Variants in PCDHGA4 observed in about 807,000 individuals in gnomAD.
PCDHGA4 encodes protocadherin gamma subfamily A, 4.
Under a neutral mutation model 54.6 loss-of-function variants are expected in PCDHGA4, and 38 were observed. The observed-to-expected ratio is 0.70, with a 90% CI of 0.54 to 0.91. The LOEUF is 0.91. Ranked by LOEUF, PCDHGA4 falls within the 40% of genes least tolerant of loss-of-function variation. The pLI is 0.00. For synonymous variants in PCDHGA4, 511 were observed against 512.9 expected, an observed-to-expected ratio of 1.00 and a Z score of 0.05; for missense variants, 1,298 against 1,220.9, an observed-to-expected ratio of 1.06 and a Z score of -0.94.
rs776571171 is a variant in PCDHGA4 at position 141,356,013 on chromosome 5, A to C, written c.906A>C (p.Glu302Asp). 6.2e-7 allele frequency: 1 copy of C among 1,613,968 alleles called. No individual in the cohort carries two copies. The highest frequency in any genetic ancestry group is 2.2e-5 in the East Asian group (1 of 44,882). ...LLTVKATDPD[E>D]GANGDVTYSF... is the part of the protein sequence containing the mutation. ...CCGTAAAAGCCACTGATCCAGATGA[A>C]GGAGCCAATGGAGACGTGACGTATT... The change falls in exon 1 of 4, where the codon GAA (glutamate) becomes GAC (aspartate). Residue 302 changes from glutamate (E) to aspartate (D), a missense_variant. By Grantham distance (45) the Glu-to-Asp change is conservative (BLOSUM62 2). Coordinates refer to ENST00000571252, the MANE Select transcript of PCDHGA4 (RefSeq NM_018917.4).
At chr5:141,366,041 G>C in intron 1 of PCDHGA4, 1 of 1,614,232 alleles carries the variant, frequency 6.2e-7, no homozygotes, top group Non-Finnish European at 8.5e-7. Flanking sequence ...CCCCACAGAC[G>C]GTTCCACGGG....
Position 141,431,948 on chromosome 5 carries a change from T to G in PCDHGA4, c.2515-62859T>G. ...AAATCTGCCCTTTAAATTAGAAAAA[T>G]CTTACGGAAATTACTATAGTTTAGT... is the stretch of plus-strand genomic sequence containing the variant. On this transcript the variant is annotated intron_variant, in intron 1 of 3. Transcript: ENST00000571252. The surrounding 1 kb of genome is among the most constrained non-coding windows in gnomAD (Gnocchi z 4.8). The G allele has an allele frequency of 6.2e-7, 1 of 1,614,076 alleles. No homozygotes were observed. The highest frequency in any genetic ancestry group is 8.5e-7 in the Non-Finnish European group (1 of 1,180,006).
chr5:141,420,187 C>G (rs1369031488), intron 1 of PCDHGA4: 1 of 1,613,706 alleles, frequency 6.2e-7, no homozygotes, highest in East Asian at 2.2e-5. Context: ...ATTGTCCAGC[C>G]ACACAAGATA....
Position 141,393,390 on chromosome 5 carries a change from G to C in PCDHGA4, c.2514+35769G>C, listed in dbSNP as rs761230046. On this transcript the variant is annotated intron_variant, in intron 1 of 3. Coordinates refer to ENST00000571252, the MANE Select transcript of PCDHGA4 (RefSeq NM_018917.4). ...TGGAGACAATGGAGCCATAAACCCA[G>C]AGCTGGTGCTGGAGCGCGCCCTGGA... 24 of 1,613,882 alleles carry C rather than the reference G, an allele frequency of 1.5e-5. No homozygotes were observed. The South Asian group carries it at 2.5e-4, about 17-fold the overall frequency.
chr5:141,429,426 G>C (rs992784469), intron 1 of PCDHGA4, among the ~76,000 whole-genome samples: 3 of 151,724 alleles, frequency 2.0e-5, no homozygotes, highest in African/African-American at 4.8e-5. Context: ...TGTTGCCCAG[G>C]CTGGACTCAA....
At chr5:141,411,951 G>A (rs1589812278) in intron 1 of PCDHGA4, 1 of 152,252 alleles carries the variant, frequency 6.6e-6, no homozygotes, top group African/African-American at 2.4e-5. Context: ...GATTTTTGAA[G>A]AAAAAAGATA....
At position 141,476,813 on chromosome 5, in the gene PCDHGA4, A is replaced by G. The variant is rs749333814; in HGVS notation, c.2515-17994A>G. The G allele has an allele frequency of 6.8e-6, 11 of 1,613,548 alleles. No individual in the cohort carries two copies. Among genetic ancestry groups the G allele is most frequent in the Non-Finnish European group, 9.3e-6 (11 of 1,180,022 alleles). On this transcript the variant is annotated intron_variant, in intron 1 of 3. Transcript: ENST00000571252. The surrounding 1 kb of genome is among the most constrained non-coding windows in gnomAD (Gnocchi z 7.6). ...CTCCGCCAGCCTGCCTATTCACATC[A>G]AGGTGCTGGACGCGAATGACAATGC...
intron 1 of PCDHGA4, among the ~76,000 whole-genome samples, chr5:141,397,819 A>G (rs1159682049): frequency 6.6e-6 from 1 of 152,240 alleles, no homozygotes; most frequent in African/African-American, 2.4e-5. Flanking sequence ...AAAAACAATT[A>G]CTGCACTGGT....
intron 1 of PCDHGA4, chr5:141,418,283 ATCAG>A: frequency 1.9e-6 from 3 of 1,613,996 alleles, no homozygotes; most frequent in Non-Finnish European, 2.5e-6. Context: ...AAACTTAGAA[ATCAG>A]TGAATCCGTC....
intron 1 of PCDHGA4, chr5:141,415,030 G>A (rs374572942): frequency 1.2e-6 from 2 of 1,613,460 alleles, no homozygotes; most frequent in African/African-American, 2.7e-5. Flanking sequence ...CAGCGAGCCG[G>A]GACTCTTCGC....
chr5:141,355,668 A>C lies in PCDHGA4; in HGVS notation c.561A>C (p.Glu187Asp). ...ENPGARFPLP[E>D]AFDPDVGVNS... Reference sequence around the variant, plus strand: ...CTGGGGCAAGATTTCCTCTTCCTGAAGCTTTTGATCCGGATGTAGGTGTAA... The same window carrying C: ...CTGGGGCAAGATTTCCTCTTCCTGACGCTTTTGATCCGGATGTAGGTGTAA... Residue 187 changes from glutamate to aspartate, a missense_variant, in exon 1 of 4, where the codon GAA becomes GAC. Physicochemically the swap from Glu to Asp is conservative, Grantham distance 45 (BLOSUM62 2). Coordinates refer to ENST00000571252, the MANE Select transcript of PCDHGA4 (RefSeq NM_018917.4). The C allele has an allele frequency of 1.2e-6, 2 of 1,614,018 alleles. No individual in the cohort carries two copies. The highest frequency in any genetic ancestry group is 1.7e-6 in the Non-Finnish European group (2 of 1,179,892).
rs1335077514 is a variant in PCDHGA4 at position 141,357,628 on chromosome 5, C to A, written c.2514+7C>A. 4 of 1,613,256 alleles carry A rather than the reference C, an allele frequency of 2.5e-6. No homozygotes were observed. Among genetic ancestry groups the A allele is most frequent in the Non-Finnish European group, 2.5e-6 (3 of 1,179,406 alleles). The stretch of plus-strand genomic sequence containing the variant: ...AGGAGACCCTAATCTTCAGGTGAGT[C>A]AATCTTATAATAGATCATACCACAC... On this transcript the variant is annotated splice_region_variant and intron_variant, in intron 1 of 3. Coordinates refer to ENST00000571252, the MANE Select transcript of PCDHGA4 (RefSeq NM_018917.4).
rs748972821 is a variant in PCDHGA4 at position 141,476,094 on chromosome 5, GAGAGGAACT to G, written c.2515-18712_2515-18704del. ...TCTCAGGGACGATCTGGACCCCGCT[GAGAGGAACT>G]GCTTTTGAGTGAGATGGTCCCAGAG... is the stretch of plus-strand genomic sequence containing the variant. On this transcript the variant is annotated intron_variant, in intron 1 of 3. Coordinates refer to ENST00000571252, the MANE Select transcript of PCDHGA4 (RefSeq NM_018917.4). This position sits in a 1 kb window ranked among gnomAD's most constrained non-coding sequence, Gnocchi z 7.6. 6.4e-7 allele frequency: 1 copy of G among 1,568,172 alleles called. No individual in the cohort carries two copies. The highest frequency in any genetic ancestry group is 1.2e-5 in the South Asian group (1 of 85,292).
chr5:141,410,505 A>T (rs2095401601), intron 1 of PCDHGA4: 1 of 1,613,848 alleles, frequency 6.2e-7, no homozygotes, highest in Non-Finnish European at 8.5e-7. Flanking sequence ...AATTTCCTAA[A>T]ATGCAGTGTG....
intron 1 of PCDHGA4, among the ~76,000 whole-genome samples, chr5:141,448,604 A>G (rs954578256): frequency 1.3e-5 from 2 of 152,118 alleles, no homozygotes; most frequent in Non-Finnish European, 2.9e-5. Flanking sequence ...AATACTATAC[A>G]CCACTTTATA....
chr5:141,483,009 C>T (rs538900128), intron 1 of PCDHGA4, among the ~76,000 whole-genome samples: 4 of 151,942 alleles, frequency 2.6e-5, no homozygotes, highest in Non-Finnish European at 5.9e-5. Flanking sequence ...TGCTTGAACC[C>T]GGGAGGCAGA....
intron 1 of PCDHGA4, chr5:141,402,800 C>A: frequency 9.3e-7 from 1 of 1,072,728 alleles, no homozygotes; most frequent in Non-Finnish European, 1.3e-6. Flanking sequence ...ACACAAAACC[C>A]GGCAGATACC....
chr5:141,421,476 C>A, intron 1 of PCDHGA4: 2 of 1,614,158 alleles, frequency 1.2e-6, no homozygotes, highest in Non-Finnish European at 1.7e-6. Context: ...CGCGAAGCGG[C>A]AGCTTGATCA....
chr5:141,383,476 G>A, intron 1 of PCDHGA4: 1 of 1,613,748 alleles, frequency 6.2e-7, no homozygotes, highest in Non-Finnish European at 8.5e-7. Flanking sequence ...TAAGTACCCG[G>A]AACTGGTGCT....
Sources: allele counts gnomAD v4.1 joint callset (sites outside exome capture counted in the v4.1 genomes callset), GRCh38; gene constraint gnomAD v4.1.1; non-coding constraint Gnocchi (gnomAD v3.1); transcripts MANE v1.5; gene names NCBI Gene and HGNC (gene_info 2026-07-23, HGNC 2026-07-21).